The following RBPJ variants were observed in gnomAD, a reference collection of about 807,000 sequenced individuals.
RBPJ encodes the protein recombination signal binding protein for immunoglobulin kappa J region, also known as recombining binding protein suppressor of hairless.
RBPJ carries 9 observed loss-of-function variants against 67.8 expected under a neutral mutation model. The observed-to-expected ratio is 0.13, with a 90% CI of 0.08 to 0.23. RBPJ has a LOEUF of 0.23. RBPJ is among the 10% of genes least tolerant of loss of function. The pLI is 1.00. For missense variants in RBPJ, 305 were observed against 595.6 expected, an observed-to-expected ratio of 0.51 and a Z score of 5.08; for synonymous variants, 198 against 203.3, an observed-to-expected ratio of 0.97 and a Z score of 0.22.
At chr4:26,318,996 CAAAAAA>C (rs201084739), upstream of RBPJ, among the ~76,000 whole-genome samples, 5 of 83,868 alleles carry the variant, frequency 6.0e-5, no homozygotes, top group East Asian at 3.0e-4. Context: ...GACTCCGTCT[CAAAAAA>C]AAAAAAAAAA....
the RBPJ span, among the ~76,000 whole-genome samples, chr4:26,141,711 G>A: frequency 4.6e-5 from 7 of 152,110 alleles, no homozygotes; most frequent in African/African-American, 1.7e-4. Flanking sequence ...GCTAACTATA[G>A]TTACCCTACA....
chr4:26,176,071 T>C (rs1716785358), intron 1 of RBPJ, among the ~76,000 whole-genome samples: 1 of 152,254 alleles, frequency 6.6e-6, no homozygotes, highest in Non-Finnish European at 1.5e-5. Context: ...TAAACTGGAA[T>C]GTTAGATAAA....
chr4:26,130,851 A>C, the RBPJ span, among the ~76,000 whole-genome samples: 2 of 152,252 alleles, frequency 1.3e-5, no homozygotes, highest in African/African-American at 4.8e-5. Context: ...TGAATCTTAC[A>C]AATAGAGTAC....
At position 26,420,561 on chromosome 4, in the gene RBPJ, C is replaced by T; in HGVS notation, c.332C>T (p.Thr111Ile). 6.3e-7 allele frequency: 1 copy of T among 1,598,012 alleles called. No homozygotes were observed. The highest frequency in any genetic ancestry group is 8.5e-7 in the Non-Finnish European group (1 of 1,173,684). ...QLNLEGKNYC[T>I]AKTLYISDSD... ...ACTTTTCTTTCACAGAACTATTGCA[C>T]AGCCAAAACATTGTATATATCTGAC... Residue 111 changes from threonine (T) to isoleucine (I), a missense_variant, in exon 5 of 11, where the codon ACA becomes ATA. Around this residue, in one of 7 missense-constraint regions of RBPJ, gnomAD observed 79 missense variants for 106.2 expected, o/e 0.74. Transcript: ENST00000355476.
intron 1 of RBPJ, among the ~76,000 whole-genome samples, chr4:26,331,320 T>A (rs1226524336): frequency 6.6e-6 from 1 of 152,064 alleles, no homozygotes; most frequent in Admixed American, 6.6e-5. Context: ...CTTCTGGGCT[T>A]AAGGGATCTG....
At chr4:26,402,030 A>T (rs1399539400) in intron 2 of RBPJ, among the ~76,000 whole-genome samples, 1 of 151,460 alleles carries the variant, frequency 6.6e-6, no homozygotes, top group Non-Finnish European at 1.5e-5. Context: ...CTGGGATTTC[A>T]GGCATGTGCC....
chr4:26,284,733 G>A lies in RBPJ; in HGVS notation c.-166-77713G>A, dbSNP rs541603555. Among the ~76,000 whole-genome samples, 50 of 151,644 alleles carry A rather than the reference G, an allele frequency of 3.3e-4. 1 individual carries two copies. Among genetic ancestry groups the A allele is most frequent in the South Asian group, 2.1e-4 (1 of 4,790 alleles). On this transcript the variant is annotated intron_variant, in intron 1 of 4. Coordinates refer to the RBPJ transcript ENST00000512351. ...CGTCCACCTCAGCCTCCCAAAGTGC[G>A]GTGATTACAGGTGTGAGTCACTGTG...
Position 26,214,974 on chromosome 4 carries a change from GGGAAGGAAGGAGGGAGGGAGGGAGGGAA to G in RBPJ, c.-167+51373_-167+51400del, listed in dbSNP as rs1360561651. On this transcript the variant is annotated intron_variant, in intron 1 of 4. Coordinates refer to the RBPJ transcript ENST00000512351. ...ACGGAAGGAAGGAGGGAGGGAGGGA[GGGAAGGAAGGAGGGAGGGAGGGAGGGAA>G]GGAAGGAAGGAGAGAAAGAAAGAAA... Among the ~76,000 whole-genome samples the G allele has an allele frequency of 4.9e-3, 84 of 17,250 alleles. 6 individuals carry two copies. Among genetic ancestry groups the G allele is most frequent in the South Asian group, 0.014 (6 of 432 alleles). 11.3% of individuals were successfully genotyped at this position (17,250 alleles called of 152,430 possible).
chr4:26,368,982 A>G (rs973002595), intron 1 of RBPJ, among the ~76,000 whole-genome samples: 10 of 152,184 alleles, frequency 6.6e-5, no homozygotes, highest in African/African-American at 2.4e-4. Context: ...TCTACTTTCC[A>G]AATCTGTTCT....
chr4:26,244,836 G>A (rs1719873670), intron 1 of RBPJ, among the ~76,000 whole-genome samples: 1 of 152,074 alleles, frequency 6.6e-6, no homozygotes, highest in Non-Finnish European at 1.5e-5. Context: ...GTTTTGACAT[G>A]TTGGCCAGGC....
chr4:26,238,156 G>A (rs1207078319), intron 1 of RBPJ, among the ~76,000 whole-genome samples: 1 of 152,172 alleles, frequency 6.6e-6, no homozygotes, highest in African/African-American at 2.4e-5. Context: ...CGACCTCCCA[G>A]CCTCAAGTAA....
At chr4:26,109,448 CTCTCTCTCTCTCTATATATATA>C in the RBPJ span, among the ~76,000 whole-genome samples, 12 of 26,310 alleles carry the variant, frequency 4.6e-4, no homozygotes, top group Admixed American at 1.6e-3. Context: ...CTCTCTCTCT[CTCTCTCTCTCTCTATATATATA>C]TATATATATA....
At chr4:26,142,023 G>T in the RBPJ span, among the ~76,000 whole-genome samples, 1 of 152,194 alleles carries the variant, frequency 6.6e-6, no homozygotes, top group South Asian at 2.1e-4. Context: ...GTTCATCAAA[G>T]TTTAATGTTC....
chr4:26,215,775 G>A (rs1244237751), intron 1 of RBPJ, among the ~76,000 whole-genome samples: 1 of 151,508 alleles, frequency 6.6e-6, no homozygotes, highest in East Asian at 1.9e-4. Flanking sequence ...CTAACCTTCA[G>A]CACCTCTCAG....
At chr4:26,426,619 T>C (rs1162760683) in intron 7 of RBPJ, among the ~76,000 whole-genome samples, 2 of 152,122 alleles carry the variant, frequency 1.3e-5, no homozygotes, top group African/African-American at 2.4e-5. Context: ...ATTTATGTAG[T>C]GATGAAAAAA....
At chr4:26,407,589 T>G (rs1257498916) in intron 3 of RBPJ, among the ~76,000 whole-genome samples, 1 of 152,172 alleles carries the variant, frequency 6.6e-6, no homozygotes, top group East Asian at 1.9e-4. Context: ...ATTTTTTGGT[T>G]AAGCATTCCA....
At chr4:26,415,792 A>G in intron 4 of RBPJ, 152 bp downstream of exon 4, 1 of 718,838 alleles carries the variant, frequency 1.4e-6, no homozygotes, top group Non-Finnish European at 2.2e-6. Context: ...CATGCCTCTC[A>G]TAGCTTTGGT....
chr4:26,132,649 G>A, the RBPJ span, among the ~76,000 whole-genome samples: 11 of 152,136 alleles, frequency 7.2e-5, no homozygotes, highest in African/African-American at 2.2e-4. Flanking sequence ...CTGGGTCTTC[G>A]CTGGCCATAG....
chr4:26,213,466 C>G (rs1718509197), intron 1 of RBPJ, among the ~76,000 whole-genome samples: 1 of 152,000 alleles, frequency 6.6e-6, no homozygotes, highest in Non-Finnish European at 1.5e-5. Flanking sequence ...AAAGAGCATT[C>G]CTAACAGAGG....
Sources: allele counts gnomAD v4.1 joint callset (sites outside exome capture counted in the v4.1 genomes callset), GRCh38; gene constraint gnomAD v4.1.1; regional missense constraint gnomAD v4.1.1; transcripts MANE v1.5; gene names NCBI Gene and HGNC (gene_info 2026-07-23, HGNC 2026-07-21).